Variants in PRPF18 observed in about 807,000 individuals in gnomAD.
PRPF18 encodes pre-mRNA-splicing factor 18.
A neutral mutation model predicts 46.5 loss-of-function variants in PRPF18; 38 were observed. The observed-to-expected ratio is 0.82, with a 90% CI of 0.63 to 1.07. The LOEUF (loss-of-function observed/expected upper bound fraction) is 1.07, where lower values mean the gene tolerates loss of function less well. Ranked by LOEUF, PRPF18 falls within the 50% of genes least tolerant of loss-of-function variation. The pLI, the probability that PRPF18 is intolerant of heterozygous loss-of-function variation, is 0.00. For synonymous variants in PRPF18, 152 were observed against 146.7 expected, an observed-to-expected ratio of 1.04 and a Z score of -0.26; for missense variants, 263 against 410.0, an observed-to-expected ratio of 0.64 and a Z score of 3.10.
At chr10:13,613,653 G>A in intron 6 of PRPF18, 88 bp from the exon 7 acceptor site, 1 of 1,328,608 alleles carries the variant, frequency 7.5e-7, no homozygotes, top group Non-Finnish European at 1.0e-6. Flanking sequence ...AAGGATGATT[G>A]TATTCTGTTT....
the PRPF18 span, chr10:13,649,777 C>T: frequency 6.6e-6 from 1 of 152,166 alleles, no homozygotes; most frequent in African/African-American, 2.4e-5. Context: ...CGGTAGTAGT[C>T]AAGGAATGCC....
chr10:13,591,226 A>G lies in PRPF18; in HGVS notation c.66+4074A>G, dbSNP rs150751667. ...TTTAGATCTGCAGCTCTATCATTTC[A>G]TGCAGAATAGTTGCTTTATATTTTT... On this transcript the variant is annotated intron_variant, in intron 1 of 9. Coordinates refer to ENST00000378572, the MANE Select transcript of PRPF18 (RefSeq NM_003675.4). 1.5e-3 allele frequency among the ~76,000 whole-genome samples: 226 copies of G among 152,342 alleles called. 4 individuals are homozygous for G. The South Asian group carries it at 0.024, about 16-fold the overall frequency.
intron 3 of PRPF18, among the ~76,000 whole-genome samples, 180 bp from the exon 4 acceptor site, chr10:13,605,451 G>A (rs748340319): frequency 1.2e-4 from 18 of 151,684 alleles, no homozygotes; most frequent in African/African-American, 1.7e-4. Flanking sequence ...GTGTGGTGGC[G>A]GGCGCCTGTA....
chr10:13,638,780 C>G, the PRPF18 span: 1 of 152,162 alleles, frequency 6.6e-6, no homozygotes, highest in African/African-American at 2.4e-5. Flanking sequence ...AAATGTTAAT[C>G]TCATCCAAAA....
At chr10:13,639,778 C>T in the PRPF18 span, 1 of 152,190 alleles carries the variant, frequency 6.6e-6, no homozygotes, top group Non-Finnish European at 1.5e-5. Context: ...TGTCATGAGA[C>T]TCTGCAAACC....
intron 4 of PRPF18, among the ~76,000 whole-genome samples, chr10:13,609,031 A>G (rs935515345): frequency 6.6e-6 from 1 of 152,176 alleles, no homozygotes; most frequent in African/African-American, 2.4e-5. Flanking sequence ...AGTGTTTGAG[A>G]AATTATAAGT....
chr10:13,629,932 A>G (rs989882412), intron 9 of PRPF18, among the ~76,000 whole-genome samples: 2 of 152,236 alleles, frequency 1.3e-5, no homozygotes, highest in Non-Finnish European at 2.9e-5. Flanking sequence ...GAATTGTTAC[A>G]TGTAGCTAGA....
chr10:13,592,216 C>G, intron 1 of PRPF18: 2 of 608,398 alleles, frequency 3.3e-6, no homozygotes, highest in Non-Finnish European at 6.1e-6. Flanking sequence ...CCTTCTTGGG[C>G]TTCTTAGCCT....
At chr10:13,593,162 G>A (rs568362223) in intron 1 of PRPF18, among the ~76,000 whole-genome samples, 3 of 152,278 alleles carry the variant, frequency 2.0e-5, no homozygotes, top group African/African-American at 7.2e-5. Context: ...GGAGACATTG[G>A]AAAATAAAAT....
At chr10:13,606,753 A>C (rs1346194258) in intron 4 of PRPF18, among the ~76,000 whole-genome samples, 1 of 151,542 alleles carries the variant, frequency 6.6e-6, no homozygotes, top group South Asian at 2.1e-4. Context: ...AAAAAAAAAA[A>C]AAAAACAGGG....
chr10:13,653,577 A>G, the PRPF18 span: 2 of 152,298 alleles, frequency 1.3e-5, no homozygotes, highest in African/African-American at 4.8e-5. Flanking sequence ...TTCAACTCAC[A>G]GCCAGTTGTC....
the PRPF18 span, chr10:13,646,765 A>C: frequency 6.5e-6 from 1 of 152,832 alleles, no homozygotes; most frequent in African/African-American, 2.4e-5. Context: ...ACCTTCCAGA[A>C]TGTCTCCTCA....
chr10:13,649,265 T>C, the PRPF18 span: 47 of 151,070 alleles, frequency 3.1e-4, no homozygotes, highest in African/African-American at 9.9e-4. Context: ...AGAAAGACCA[T>C]TGAGTTCAAA....
intron 9 of PRPF18, among the ~76,000 whole-genome samples, chr10:13,628,957 T>A (rs758849131): frequency 1.3e-5 from 2 of 152,152 alleles, no homozygotes; most frequent in Non-Finnish European, 2.9e-5. Flanking sequence ...GATAATGACT[T>A]AGAGGACATG....
intron 3 of PRPF18, among the ~76,000 whole-genome samples, chr10:13,603,602 G>A (rs886541501): frequency 3.9e-5 from 6 of 152,140 alleles, no homozygotes; most frequent in Non-Finnish European, 2.9e-5. Context: ...GTCTTTGACT[G>A]ACTGACTTAG....
chr10:13,641,804 G>A, the PRPF18 span: 1 of 152,320 alleles, frequency 6.6e-6, no homozygotes. Context: ...AGTCATCGTT[G>A]ACCTTGGCAA....
intron 1 of PRPF18, 113 bp downstream of exon 1, chr10:13,587,265 C>G (rs1054941865): frequency 3.4e-6 from 4 of 1,169,250 alleles, no homozygotes; most frequent in Non-Finnish European, 5.0e-6. Context: ...CGGGGCTTAG[C>G]GAGTGTCCTG....
At chr10:13,655,731 A>T in the PRPF18 span, 5 of 152,208 alleles carry the variant, frequency 3.3e-5, no homozygotes. Flanking sequence ...TTCCTGACTC[A>T]GAGTTCCTCC....
chr10:13,630,180 C>A, intron 9 of PRPF18, 80 bp from the exon 10 acceptor site: 1 of 1,180,342 alleles, frequency 8.5e-7, no homozygotes, highest in Non-Finnish European at 1.3e-6. Flanking sequence ...CATTGACAAA[C>A]TGATAACGAG....
Sources: gnomAD v4.1 joint callset for allele counts (sites outside exome capture counted in the v4.1 genomes callset) on GRCh38, gnomAD v4.1.1 for gene constraint, MANE v1.5 for transcripts, NCBI Gene and HGNC (gene_info 2026-07-23, HGNC 2026-07-21) for gene names.